Variants in UTRN observed in about 807,000 individuals in gnomAD.
UTRN encodes dystrophin-related protein 1.
In UTRN, 283 loss-of-function variants were observed where a neutral mutation model predicts 463.9. The ratio of observed to expected loss-of-function variants is 0.61; its 90% CI spans 0.55 to 0.67. UTRN has a LOEUF of 0.67. Ranked by LOEUF, UTRN falls within the 30% of genes least tolerant of loss-of-function variation. UTRN has a pLI of 0.00. For synonymous variants in UTRN, 1,442 were observed against 1,431.5 expected, an observed-to-expected ratio of 1.01 and a Z score of -0.17; for missense variants, 3,922 against 4,084.3, an observed-to-expected ratio of 0.96 and a Z score of 1.08.
rs80193034 is a variant in UTRN, at chr6:144,770,879, C to T, written c.8496-1028C>T. On this transcript the variant is annotated intron_variant, in intron 58 of 74. Coordinates refer to ENST00000367545, the MANE Select transcript of UTRN (RefSeq NM_007124.3). ...CTGAGGGGAGTGGGGAATCCAGATA[C>T]ACATGAAGAGAAGAAAGGGTAGATT... 9.5e-4 allele frequency among the ~76,000 whole-genome samples: 144 copies of T among 152,234 alleles called. 1 individual carries two copies. In the East Asian group the frequency reaches 0.022, roughly 24 times the overall value.
chr6:144,684,349 C>T (rs550157443), intron 52 of UTRN, among the ~76,000 whole-genome samples: 1 of 152,136 alleles, frequency 6.6e-6, no homozygotes, highest in Non-Finnish European at 1.5e-5. Flanking sequence ...CACGCCCAGC[C>T]CCATTTACCT....
At chr6:144,782,768 G>A (rs1267110426) in intron 61 of UTRN, among the ~76,000 whole-genome samples, 1 of 152,008 alleles carries the variant, frequency 6.6e-6, no homozygotes, top group Non-Finnish European at 1.5e-5. Context: ...CATTAATTTG[G>A]CCCTTTTGAA....
At chr6:144,838,507 C>T (rs771424482) in intron 71 of UTRN, among the ~76,000 whole-genome samples, 1 of 152,142 alleles carries the variant, frequency 6.6e-6, no homozygotes, top group African/African-American at 2.4e-5. Flanking sequence ...CTAATTTGAC[C>T]ATATATTTGT....
intron 51 of UTRN, among the ~76,000 whole-genome samples, chr6:144,669,423 T>C (rs1780762078): frequency 6.6e-6 from 1 of 152,196 alleles, no homozygotes; most frequent in Non-Finnish European, 1.5e-5. Flanking sequence ...CTTTTAAAAA[T>C]GAAATTATCA....
intron 2 of UTRN, among the ~76,000 whole-genome samples, chr6:144,356,651 A>G (rs1330895157): frequency 6.6e-6 from 1 of 152,182 alleles, no homozygotes; most frequent in Non-Finnish European, 1.5e-5. Flanking sequence ...CATTTGTACT[A>G]AAATTACAAA....
At chr6:144,667,078 G>T (rs1346334649) in intron 51 of UTRN, among the ~76,000 whole-genome samples, 2 of 151,646 alleles carry the variant, frequency 1.3e-5, no homozygotes, top group African/African-American at 4.9e-5. Flanking sequence ...TCTTTTAGAA[G>T]AAATCCCCCT....
chr6:144,752,988 A>G (rs1791575018), intron 56 of UTRN, among the ~76,000 whole-genome samples: 1 of 152,202 alleles, frequency 6.6e-6, no homozygotes, highest in South Asian at 2.1e-4. Context: ...AACACTGTTG[A>G]ATTGCAGGAG....
intron 65 of UTRN, among the ~76,000 whole-genome samples, chr6:144,820,140 A>T (rs768921399): frequency 7.2e-6 from 1 of 139,768 alleles, no homozygotes; most frequent in South Asian, 2.6e-4. Flanking sequence ...TTGGAGAACA[A>T]TAGTTCATGG....
intron 54 of UTRN, among the ~76,000 whole-genome samples, chr6:144,732,537 T>C (rs1319252839): frequency 6.6e-6 from 1 of 151,998 alleles, no homozygotes; most frequent in African/African-American, 2.4e-5. Flanking sequence ...GATAAGTAAA[T>C]CTTATCATGT....
chr6:144,684,040 G>A (rs1372049375), intron 52 of UTRN, among the ~76,000 whole-genome samples: 2 of 149,466 alleles, frequency 1.3e-5, no homozygotes, highest in Non-Finnish European at 3.0e-5. Flanking sequence ...TAATTCAAGT[G>A]TCCCTTTACT....
intron 35 of UTRN, 52 bp downstream of exon 35, chr6:144,511,175 T>C (rs1795133317): frequency 5.0e-6 from 7 of 1,393,582 alleles, no homozygotes; most frequent in Non-Finnish European, 4.7e-6. Flanking sequence ...CTTCTAGTTA[T>C]TTTTTAAATG....
intron 51 of UTRN, among the ~76,000 whole-genome samples, chr6:144,633,227 C>CTTT (rs34812473): frequency 1.1e-4 from 15 of 131,706 alleles, no homozygotes; most frequent in African/African-American, 2.3e-4. Context: ...ACTACTTCTC[C>CTTT]TTTTTTTTTT....
intron 2 of UTRN, among the ~76,000 whole-genome samples, chr6:144,349,952 C>G (rs927189261): frequency 2.0e-5 from 3 of 152,172 alleles, no homozygotes; most frequent in African/African-American, 7.2e-5. Context: ...CAACTGAAGT[C>G]GTTTTTTCCC....
At chr6:144,766,468 C>T (rs887774335) in intron 58 of UTRN, among the ~76,000 whole-genome samples, 1 of 152,120 alleles carries the variant, frequency 6.6e-6, no homozygotes, top group Non-Finnish European at 1.5e-5. Context: ...CCTGTGTCAA[C>T]TTCCTTTTCT....
At chr6:144,445,206 C>T (rs1416563741) in intron 14 of UTRN, among the ~76,000 whole-genome samples, 2 of 151,898 alleles carry the variant, frequency 1.3e-5, no homozygotes, top group Non-Finnish European at 2.9e-5. Flanking sequence ...TAAAAATAAG[C>T]CAGGTGTGGC....
chr6:144,605,942 C>T (rs1804799709), intron 51 of UTRN, among the ~76,000 whole-genome samples: 1 of 151,810 alleles, frequency 6.6e-6, no homozygotes. Context: ...AGTTTTGTAC[C>T]TGTCTTAGTG....
chr6:144,841,113 T>C (rs1781540465), intron 73 of UTRN, among the ~76,000 whole-genome samples: 1 of 152,202 alleles, frequency 6.6e-6, no homozygotes, highest in African/African-American at 2.4e-5. Flanking sequence ...TAAGTCTGGT[T>C]TTAAGAAGAA....
intron 55 of UTRN, 86 bp downstream of exon 55, chr6:144,748,600 GT>G: frequency 6.7e-7 from 1 of 1,502,010 alleles, no homozygotes; most frequent in Non-Finnish European, 8.8e-7. Flanking sequence ...TATATAAATT[GT>G]TATAAGGGAT....
intron 65 of UTRN, among the ~76,000 whole-genome samples, chr6:144,815,325 G>A (rs1041418826): frequency 6.6e-6 from 1 of 152,182 alleles, no homozygotes. Flanking sequence ...CTTTATAAAA[G>A]TATGTATTAG....
Sources: allele counts gnomAD v4.1 joint callset (sites outside exome capture counted in the v4.1 genomes callset), GRCh38; gene constraint gnomAD v4.1.1; transcripts MANE v1.5; gene names NCBI Gene and HGNC (gene_info 2026-07-23, HGNC 2026-07-21).